MYCBP2: variants seen among roughly 807,000 people sequenced by gnomAD.
The protein encoded by MYCBP2 is E3 ubiquitin-protein ligase MYCBP2.
MYCBP2 carries 120 observed loss-of-function variants against 525.3 expected under a neutral mutation model. The ratio of observed to expected loss-of-function variants is 0.23; its 90% confidence interval spans 0.20 to 0.27. The LOEUF is 0.27. Ranked by LOEUF, MYCBP2 falls within the 10% of genes least tolerant of loss-of-function variation. MYCBP2 has a pLI of 1.00. For synonymous variants in MYCBP2, 1,894 were observed against 1,955.8 expected (o/e 0.97, Z 0.83); for missense variants, 4,149 against 5,657.1 (o/e 0.73, Z 8.55).
chr13:77,294,127 T>TAC (rs1555465783), intron 2 of MYCBP2, among the ~76,000 whole-genome samples: 1 of 60,854 alleles, frequency 1.6e-5, no homozygotes, highest in Non-Finnish European at 3.9e-5. Context: ...TATATATATA[T>TAC]ATACATATAT....
rs2042360720 is a variant in MYCBP2 at position 77,076,686 on chromosome 13, G to A, written c.11823+65C>T. The A allele has an allele frequency of 8.3e-6, 8 of 966,090 alleles. No individual in the cohort carries two copies. In the East Asian group the frequency reaches 2.1e-4, roughly 26 times the overall value. The allele number at this position is 966,090 out of a possible 1,614,324, so 59.8% of individuals were successfully genotyped here. A position where few individuals can be genotyped will look rare whatever the true frequency, so the allele number is the denominator to read the frequency against. ...TCCATCAAAATATACAGCAATAAAT[G>A]AATTATTTCACTGAAAAAAAGAATA... is the stretch of plus-strand genomic sequence containing the variant. On this transcript the variant is annotated intron_variant, in intron 68 of 82. Transcript: ENST00000544440.
chr13:77,296,217 C>T (rs772680256), intron 2 of MYCBP2, among the ~76,000 whole-genome samples: 20 of 151,926 alleles, frequency 1.3e-4, no homozygotes, highest in Non-Finnish European at 2.8e-4. Context: ...CCCACGAGTT[C>T]GAGACAAGCC....
At chr13:77,073,999 A>ACCCCCCCC (rs1555308432) in intron 68 of MYCBP2, among the ~76,000 whole-genome samples, 1 of 91,710 alleles carries the variant, frequency 1.1e-5, no homozygotes, top group African/African-American at 3.8e-5. Flanking sequence ...TTCCATCCCC[A>ACCCCCCCC]CCGCCCCCCC....
intron 65 of MYCBP2, among the ~76,000 whole-genome samples, chr13:77,079,341 G>C (rs1047199155): frequency 1.3e-5 from 2 of 152,138 alleles, no homozygotes; most frequent in African/African-American, 4.8e-5. Context: ...TATATGAGAG[G>C]AGGTTCTATC....
At chr13:77,129,574 T>A (rs2052374564) in intron 52 of MYCBP2, 1 of 167,446 alleles carries the variant, frequency 6.0e-6, no homozygotes, top group Admixed American at 6.4e-5. Context: ...CAAGCCAGAT[T>A]TGTTTTATGA....
At chr13:77,138,892 G>T (rs1422921581) in intron 52 of MYCBP2, among the ~76,000 whole-genome samples, 1 of 151,848 alleles carries the variant, frequency 6.6e-6, no homozygotes, top group Non-Finnish European at 1.5e-5. Context: ...AAATAAGAAA[G>T]AAAAAAATGT....
intron 43 of MYCBP2, among the ~76,000 whole-genome samples, 194 bp downstream of exon 43, chr13:77,164,260 T>C (rs138041898): frequency 6.6e-4 from 100 of 152,324 alleles, no homozygotes; most frequent in African/African-American, 2.2e-3. Flanking sequence ...CATGTGCGTG[T>C]GTAAATTAAA....
Position 77,303,312 on chromosome 13 carries a change from G to A in MYCBP2, c.303-6638C>T, listed in dbSNP as rs192387948. ...CACACCACTGTCCTCCAGCCTGGGC[G>A]ACAGAGCGAGACTCCGTCTCAAAAC... is the stretch of plus-strand genomic sequence containing the variant. On this transcript the variant is annotated intron_variant, in intron 1 of 82. Coordinates refer to ENST00000544440, the MANE Select transcript of MYCBP2 (RefSeq NM_015057.5). Among the ~76,000 whole-genome samples, 1,225 of 152,332 alleles carry A rather than the reference G, an allele frequency of 8.0e-3. 15 individuals carry two copies. The highest frequency in any genetic ancestry group is 0.011 in the Non-Finnish European group (769 of 68,040).
chr13:77,169,743 C>T (rs986397903), intron 38 of MYCBP2, 29 bp from the exon 39 acceptor site: 1 of 1,558,586 alleles, frequency 6.4e-7, no homozygotes, highest in Non-Finnish European at 8.8e-7. Context: ...GGCATTAAAA[C>T]TATAGTCAGA....
At chr13:77,257,528 A>C (rs2072461559) in intron 14 of MYCBP2, 143 bp downstream of exon 14, 1 of 815,020 alleles carries the variant, frequency 1.2e-6, no homozygotes, top group Non-Finnish European at 1.8e-6. Flanking sequence ...CTACCCATAA[A>C]ATTTTTAAAA....
intron 34 of MYCBP2, 109 bp from the exon 35 acceptor site, chr13:77,178,063 A>G (rs1432518702): frequency 4.4e-6 from 3 of 685,834 alleles, no homozygotes; most frequent in Admixed American, 4.6e-5. Context: ...AAGTGGATAT[A>G]AACATTCCTA....
chr13:77,051,771 C>T, intron 81 of MYCBP2, 40 bp downstream of exon 81: 2 of 1,461,574 alleles, frequency 1.4e-6, no homozygotes, highest in Non-Finnish European at 1.9e-6. Context: ...TACTATTTAA[C>T]ATTTCTAAAC....
At position 77,051,309 on chromosome 13, in the gene MYCBP2, CAT is replaced by C. The variant is rs574311941; in HGVS notation, c.13756-149_13756-148del. The C allele has an allele frequency of 3.8e-4, 253 of 664,660 alleles. 1 individual carries two copies. The highest frequency in any genetic ancestry group is 3.5e-3 in the African/African-American group (187 of 53,734). 41.2% of individuals were successfully genotyped at this position (664,660 alleles called of 1,614,324 possible). A position where few individuals can be genotyped will look rare whatever the true frequency, so the allele number is the denominator to read the frequency against. On this transcript the variant is annotated intron_variant, in intron 81 of 82. Coordinates refer to ENST00000544440, the MANE Select transcript of MYCBP2 (RefSeq NM_015057.5). ...AATTGATTGAAAAACTGATGATACA[CAT>C]GTTTGAAAACTAACAAATAAATATG...
chr13:77,094,054 A>G, intron 58 of MYCBP2, among the ~76,000 whole-genome samples: 1 of 152,112 alleles, frequency 6.6e-6, no homozygotes. Context: ...CATACTGATG[A>G]TTTCCACCTC....
At chr13:77,128,011 C>T (rs947207088) in intron 52 of MYCBP2, among the ~76,000 whole-genome samples, 13 of 151,542 alleles carry the variant, frequency 8.6e-5, no homozygotes, top group African/African-American at 1.5e-4. Context: ...GGAAATTTAA[C>T]GGAAATGAGA....
chr13:77,151,390 C>G (rs1419188392), intron 46 of MYCBP2, among the ~76,000 whole-genome samples: 1 of 152,144 alleles, frequency 6.6e-6, no homozygotes, highest in East Asian at 1.9e-4. Flanking sequence ...AAAATGTACT[C>G]TATTTATAGA....
intron 18 of MYCBP2, among the ~76,000 whole-genome samples, chr13:77,227,767 TAGG>T (rs1187934834): frequency 6.6e-6 from 1 of 152,116 alleles, no homozygotes; most frequent in Non-Finnish European, 1.5e-5. Context: ...CTCCCTTGAG[TAGG>T]AGATTAAATA....
At chr13:77,117,973 A>G (rs748093676) in intron 55 of MYCBP2, among the ~76,000 whole-genome samples, 11 of 152,178 alleles carry the variant, frequency 7.2e-5, no homozygotes, top group Non-Finnish European at 1.6e-4. Context: ...TTTCATAGAT[A>G]CCAAATTCAC....
At chr13:77,197,174 A>T (rs914548862) in intron 26 of MYCBP2, among the ~76,000 whole-genome samples, 2 of 152,208 alleles carry the variant, frequency 1.3e-5, no homozygotes, top group Middle Eastern at 3.2e-3. Context: ...GACAAGAGCA[A>T]TGTCAGTGGT....
Sources: allele counts gnomAD v4.1 joint callset (sites outside exome capture counted in the v4.1 genomes callset), GRCh38; gene constraint gnomAD v4.1.1; transcripts MANE v1.5; gene names NCBI Gene and HGNC (gene_info 2026-07-23, HGNC 2026-07-21).